Variants in ABL1 observed in about 807,000 individuals in gnomAD.
ABL1 encodes the protein tyrosine-protein kinase ABL1.
A neutral mutation model predicts 94.7 loss-of-function variants in ABL1; 11 were observed. The observed-to-expected ratio is 0.12, with a 90% CI of 0.07 to 0.19. The LOEUF is 0.19. ABL1 is among the 10% of genes least tolerant of loss of function. The pLI, the probability that ABL1 is intolerant of heterozygous loss-of-function variation, is 1.00. For synonymous variants in ABL1, 656 were observed against 622.4 expected (o/e 1.05, Z -0.80); for missense variants, 1,082 against 1,489.4 (o/e 0.73, Z 4.50).
chr9:130,836,612 T>G (rs1830589404), intron 1 of ABL1, among the ~76,000 whole-genome samples: 1 of 151,956 alleles, frequency 6.6e-6, no homozygotes, highest in Non-Finnish European at 1.5e-5. Flanking sequence ...TTATTTGAGG[T>G]CAGGATTTCG....
intron 3 of ABL1, among the ~76,000 whole-genome samples, chr9:130,858,879 C>T (rs1023527132): frequency 1.3e-5 from 2 of 152,150 alleles, no homozygotes; most frequent in African/African-American, 4.8e-5. Context: ...ATTTGTGTCT[C>T]TCCTCGTGTT....
intron 1 of ABL1, among the ~76,000 whole-genome samples, chr9:130,845,133 G>C (rs1177677120): frequency 6.6e-6 from 1 of 152,136 alleles, no homozygotes; most frequent in Non-Finnish European, 1.5e-5. Context: ...AATAAATGCA[G>C]TTTTATTACT....
chr9:130,792,468 C>A (rs111628884), intron 1 of ABL1, among the ~76,000 whole-genome samples: 9 of 152,084 alleles, frequency 5.9e-5, no homozygotes, highest in Non-Finnish European at 1.3e-4. Flanking sequence ...TTCCCTACCC[C>A]TAGTGGTCCT....
Position 130,885,732 on chromosome 9 carries a change from A to G in ABL1, c.*49A>G, listed in dbSNP as rs1208812859. On this transcript the variant is annotated 3_prime_UTR_variant, in exon 11 of 11. Transcript: ENST00000318560. The stretch of plus-strand genomic sequence containing the variant: ...GGCCCGTCGGAGCTGCCTGCAGCAC[A>G]TGCGGGCTCGCCCATACCCGTGACA... 1.9e-6 allele frequency: 3 copies of G among 1,567,768 alleles called. No individual in the cohort carries two copies. Among genetic ancestry groups the G allele is most frequent in the Non-Finnish European group, 2.6e-6 (3 of 1,156,924 alleles).
intron 1 of ABL1, among the ~76,000 whole-genome samples, chr9:130,755,863 C>T (rs915467575): frequency 6.6e-6 from 1 of 152,170 alleles, no homozygotes; most frequent in African/African-American, 2.4e-5. Context: ...GTTCTAGCTG[C>T]GAGGTTGGTG....
rs1193478326 is a variant in ABL1 at position 130,735,104 on chromosome 9, A to G, written c.136+20649A>G. ...GAGTGCAATGGCATGATCTTGGCTT[A>G]CCGCAACCTCCGCCGCCTGGGTTCA... On this transcript the variant is annotated intron_variant, in intron 1 of 10. Transcript: ENST00000372348. Among the ~76,000 whole-genome samples the G allele has an allele frequency of 3.9e-5, 6 of 152,186 alleles. No homozygotes were observed. The East Asian group carries it at 1.2e-3, about 29-fold the overall frequency.
chr9:130,854,856 A>G lies in ABL1; in HGVS notation c.309A>G (p.Gln103=). 1 of 1,614,176 alleles carries G rather than the reference A, an allele frequency of 6.2e-7. No homozygotes were observed. The highest frequency in any genetic ancestry group is 1.7e-5 in the Admixed American group (1 of 60,022). ...ACAATGGGGAATGGTGTGAAGCCCAAACCAAAAATGGCCAAGGCTGGGTCC... is the reference window on the plus strand; with the variant it reads ...ACAATGGGGAATGGTGTGAAGCCCAGACCAAAAATGGCCAAGGCTGGGTCC... The part of the protein sequence containing the change: ...YNHNGEWCEA[Q]TKNGQGWVPS... Residue 103 remains glutamine, a synonymous_variant, in exon 3 of 11, where the codon CAA becomes CAG. Coordinates refer to ENST00000318560, the MANE Select transcript of ABL1 (RefSeq NM_005157.6).
chr9:130,721,830 T>TG (rs1043452391), intron 1 of ABL1, among the ~76,000 whole-genome samples: 7 of 149,350 alleles, frequency 4.7e-5, no homozygotes, highest in African/African-American at 9.8e-5. Context: ...TTGTTTTTTT[T>TG]TTTTTTTTTG....
rs1403327433 is a variant in ABL1 at position 130,730,070 on chromosome 9, T to G, written c.136+15615T>G. Among the ~76,000 whole-genome samples, 284 of 130,662 alleles carry G rather than the reference T, an allele frequency of 2.2e-3. 2 individuals carry two copies. The highest frequency in any genetic ancestry group is 3.4e-3 in the Non-Finnish European group (210 of 61,842). 85.7% of individuals were successfully genotyped at this position (130,662 alleles called of 152,430 possible). On this transcript the variant is annotated intron_variant, in intron 1 of 10. Transcript: ENST00000372348. ...ACTTTTTTTTTTTTTTGAGATGGAA[T>G]TCTGCTCTTGTTGCCCACGCTGGAG...
At chr9:130,829,564 C>CAAAA (rs1167581144) in intron 1 of ABL1, among the ~76,000 whole-genome samples, 6 of 68,702 alleles carry the variant, frequency 8.7e-5, no homozygotes, top group Admixed American at 6.0e-4. Context: ...GACTACGTCT[C>CAAAA]AAAAAAAAAA....
Position 130,740,819 on chromosome 9 carries a change from A to ATTTTT in ABL1, c.136+26383_136+26387dup, listed in dbSNP as rs34323373. On this transcript the variant is annotated intron_variant, in intron 1 of 10. Coordinates refer to the ABL1 transcript ENST00000372348. ...TACAGGTGTGCACCACCACACCCAG[A>ATTTTT]TTTTTTTTTTTTTTTTTTTTTTTGT... Among the ~76,000 whole-genome samples the ATTTTT allele has an allele frequency of 2.4e-3, 230 of 97,816 alleles. 1 individual carries two copies. Among genetic ancestry groups the ATTTTT allele is most frequent in the African/African-American group, 5.6e-3 (137 of 24,514 alleles). 64.2% of individuals were successfully genotyped at this position (97,816 alleles called of 152,430 possible). A position where few individuals can be genotyped will look rare whatever the true frequency, so the allele number is the denominator to read the frequency against.
chr9:130,805,844 G>C (rs1830117570), intron 1 of ABL1, among the ~76,000 whole-genome samples: 1 of 152,194 alleles, frequency 6.6e-6, no homozygotes, highest in African/African-American at 2.4e-5. Context: ...CAAAGTTACT[G>C]ACCTGTCTTT....
chr9:130,787,160 A>G (rs1204823407), intron 1 of ABL1, among the ~76,000 whole-genome samples: 1 of 152,112 alleles, frequency 6.6e-6, no homozygotes, highest in Non-Finnish European at 1.5e-5. Context: ...TGCCCGTGTC[A>G]TTGCCCCAGT....
In ABL1 at chr9:130,862,048, C is replaced by CT. The variant is rs1277596089; in HGVS notation, c.550-711dup. On this transcript the variant is annotated intron_variant, in intron 3 of 10. Coordinates refer to ENST00000318560, the MANE Select transcript of ABL1 (RefSeq NM_005157.6). This position sits in a 1 kb window ranked among gnomAD's most constrained non-coding sequence, Gnocchi z 5.5. ...AATGCTCTTGTGTCGTAAATCCTTCCTTTTGCTTCCTCGTGTTGGATGTGT... is the reference window on the plus strand; with the variant it reads ...AATGCTCTTGTGTCGTAAATCCTTCCTTTTTGCTTCCTCGTGTTGGATGTGT... 6.6e-6 allele frequency among the ~76,000 whole-genome samples: 1 copy of CT among 152,218 alleles called. No individual in the cohort carries two copies. Among genetic ancestry groups the CT allele is most frequent in the Admixed American group, 6.5e-5 (1 of 15,278 alleles).
chr9:130,816,269 C>T (rs1425928166), intron 1 of ABL1, among the ~76,000 whole-genome samples: 1 of 152,182 alleles, frequency 6.6e-6, no homozygotes, highest in African/African-American at 2.4e-5. Flanking sequence ...CTCTTCACCT[C>T]CTTTGGGTCT....
chr9:130,793,373 C>T (rs1432132104), intron 1 of ABL1, among the ~76,000 whole-genome samples: 1 of 152,190 alleles, frequency 6.6e-6, no homozygotes, highest in Admixed American at 6.5e-5. Context: ...CATCTGCCCC[C>T]TTTCTTCCGC....
intron 1 of ABL1, among the ~76,000 whole-genome samples, chr9:130,720,636 C>T (rs528353613): frequency 6.6e-6 from 1 of 152,208 alleles, no homozygotes; most frequent in South Asian, 2.1e-4. Context: ...GGAGAATTTT[C>T]CGAGGGGACT....
intron 1 of ABL1, among the ~76,000 whole-genome samples, chr9:130,787,510 G>T (rs1829845835): frequency 6.6e-6 from 1 of 152,114 alleles, no homozygotes; most frequent in African/African-American, 2.4e-5. Context: ...GCAGATCTTT[G>T]CCTGGGTCCC....
chr9:130,824,833 G>T (rs960983427), intron 1 of ABL1, among the ~76,000 whole-genome samples: 1 of 152,114 alleles, frequency 6.6e-6, no homozygotes, highest in Non-Finnish European at 1.5e-5. Flanking sequence ...TGTAGTTCTG[G>T]ATTAATATGC....
Sources: gnomAD v4.1 joint callset for allele counts (sites outside exome capture counted in the v4.1 genomes callset) on GRCh38, gnomAD v4.1.1 for gene constraint, Gnocchi (gnomAD v3.1) non-coding constraint, MANE v1.5 for transcripts, NCBI Gene and HGNC (gene_info 2026-07-23, HGNC 2026-07-21) for gene names.